The following ZBBX variants were observed in gnomAD, a reference collection of about 807,000 sequenced individuals.
ZBBX encodes zinc finger B-box domain-containing protein 1.
A neutral mutation model predicts 108.5 loss-of-function variants in ZBBX; 101 were observed. The observed-to-expected ratio is 0.93, with a 90% CI of 0.79 to 1.10. The LOEUF is 1.10. Among genes scored for constraint, ZBBX ranks in the 50% least tolerant of loss-of-function variants. The pLI is 0.00. For missense variants in ZBBX, 1,009 were observed against 941.4 expected (o/e 1.07, Z -0.94); for synonymous variants, 356 against 323.4 (o/e 1.10, Z -1.08).
At chr3:167,235,280 C>A (rs1720187160), downstream of ZBBX, among the ~76,000 whole-genome samples, 1 of 151,604 alleles carries the variant, frequency 6.6e-6, no homozygotes. Flanking sequence ...CCTGCTTGCA[C>A]CTCCAGAAGC....
At chr3:167,301,448 G>T (rs1732653330) in intron 17 of ZBBX, among the ~76,000 whole-genome samples, 1 of 152,246 alleles carries the variant, frequency 6.6e-6, no homozygotes, top group Non-Finnish European at 1.5e-5. Context: ...CGGCAGGAAA[G>T]AGTTTTCCCA....
At chr3:167,283,156 C>T (rs1376404102) in intron 19 of ZBBX, among the ~76,000 whole-genome samples, 1 of 152,144 alleles carries the variant, frequency 6.6e-6, no homozygotes, top group East Asian at 1.9e-4. Context: ...AGGACAGTCG[C>T]TACTTTGTCT....
At chr3:167,262,620 A>T (rs78841500) in intron 20 of ZBBX, among the ~76,000 whole-genome samples, 2,630 of 151,982 alleles carry the variant, frequency 0.017, 76 homozygotes, top group African/African-American at 0.06. Flanking sequence ...CCTAGGAGAC[A>T]TTTTTATTAT....
the ZBBX span, among the ~76,000 whole-genome samples, chr3:167,219,441 T>C: frequency 2.0e-5 from 3 of 151,860 alleles, no homozygotes; most frequent in East Asian, 5.8e-4. Context: ...TCTCTAACCA[T>C]GATGGAATAA....
chr3:167,287,108 T>C (rs1729842579), intron 19 of ZBBX, among the ~76,000 whole-genome samples: 1 of 152,204 alleles, frequency 6.6e-6, no homozygotes, highest in African/African-American at 2.4e-5. Context: ...TTATCATCTC[T>C]ATTTCTAAAA....
At chr3:167,238,439 A>T (rs1033713477), downstream of ZBBX, among the ~76,000 whole-genome samples, 3 of 152,034 alleles carry the variant, frequency 2.0e-5, no homozygotes, top group Non-Finnish European at 2.9e-5. Flanking sequence ...TTTCAATAGG[A>T]TGCATTTTTA....
chr3:167,362,115 A>G (rs1744617149), intron 6 of ZBBX, among the ~76,000 whole-genome samples: 1 of 152,142 alleles, frequency 6.6e-6, no homozygotes, highest in South Asian at 2.1e-4. Flanking sequence ...CCAAGGATAC[A>G]CATGCTTACA....
chr3:167,382,519 T>G (rs1488661561), upstream of ZBBX, among the ~76,000 whole-genome samples: 1 of 152,106 alleles, frequency 6.6e-6, no homozygotes, highest in Non-Finnish European at 1.5e-5. Flanking sequence ...TTTTCTGAAC[T>G]GGAGATATTC....
chr3:167,355,558 G>GAT (rs1743420316), intron 8 of ZBBX, among the ~76,000 whole-genome samples: 4 of 151,108 alleles, frequency 2.6e-5, no homozygotes, highest in South Asian at 2.1e-4. Context: ...TATATACATA[G>GAT]ATATATATAT....
At chr3:167,335,906 T>A (rs1365485923) in intron 9 of ZBBX, among the ~76,000 whole-genome samples, 1 of 152,024 alleles carries the variant, frequency 6.6e-6, no homozygotes, top group Non-Finnish European at 1.5e-5. Flanking sequence ...ATAGTCCTTT[T>A]ATTTTTAAAA....
chr3:167,216,583 A>G, the ZBBX span, among the ~76,000 whole-genome samples: 2 of 152,162 alleles, frequency 1.3e-5, no homozygotes, highest in Non-Finnish European at 2.9e-5. Flanking sequence ...ATTCCTCTCA[A>G]GCTACCAACA....
chr3:167,348,406 GGA>G (rs1317987689), intron 9 of ZBBX, among the ~76,000 whole-genome samples: 6 of 124,912 alleles, frequency 4.8e-5, no homozygotes, highest in African/African-American at 9.1e-5. Flanking sequence ...GGGAGGGAGA[GGA>G]GAGAGAGAAA....
At chr3:167,262,245 T>C (rs1247262781) in intron 20 of ZBBX, among the ~76,000 whole-genome samples, 2 of 152,184 alleles carry the variant, frequency 1.3e-5, no homozygotes, top group Admixed American at 1.3e-4. Context: ...AGCAGTCTGC[T>C]TTCTTCAGAG....
chr3:167,201,633 CT>C, the ZBBX span, among the ~76,000 whole-genome samples: 1 of 152,064 alleles, frequency 6.6e-6, no homozygotes, highest in Non-Finnish European at 1.5e-5. Context: ...AACTGGCTAA[CT>C]TTTCATGTAA....
At chr3:167,351,276 CA>C (rs928590552) in intron 8 of ZBBX, among the ~76,000 whole-genome samples, 47 of 151,980 alleles carry the variant, frequency 3.1e-4, no homozygotes, top group African/African-American at 1.1e-3. Context: ...TGGTGCCAAG[CA>C]AAACTGAAAC....
chr3:167,265,739 CT>C (rs1454894036), intron 20 of ZBBX, among the ~76,000 whole-genome samples: 2 of 152,336 alleles, frequency 1.3e-5, no homozygotes. Context: ...TGTGGCATGG[CT>C]TCCCAAGGAA....
chr3:167,286,331 T>C (rs1729690391), intron 19 of ZBBX, among the ~76,000 whole-genome samples: 1 of 152,158 alleles, frequency 6.6e-6, no homozygotes, highest in Admixed American at 6.5e-5. Flanking sequence ...TGGTAAGGCA[T>C]ACTTTTTTCT....
intron 19 of ZBBX, 25 bp from the exon 20 acceptor site, chr3:167,282,520 T>A (rs1488431388): frequency 6.3e-7 from 1 of 1,577,148 alleles, no homozygotes; most frequent in Non-Finnish European, 8.6e-7. Flanking sequence ...AAAAAGTTTT[T>A]AAATCAACTT....
At chr3:167,285,464 A>AATTACATATACAT (rs2108542247) in intron 19 of ZBBX, among the ~76,000 whole-genome samples, 1 of 151,172 alleles carries the variant, frequency 6.6e-6, no homozygotes, top group South Asian at 2.1e-4. Context: ...ATACATAAAA[A>AATTACATATACAT]GAATTCTTAG....
Sources: gnomAD v4.1 joint callset for allele counts (sites outside exome capture counted in the v4.1 genomes callset) on GRCh38, gnomAD v4.1.1 for gene constraint, MANE v1.5 for transcripts, NCBI Gene and HGNC (gene_info 2026-07-23, HGNC 2026-07-21) for gene names.